PAX7: variants seen among roughly 807,000 people sequenced by gnomAD.
The protein encoded by PAX7 is paired box 7, also known as paired box protein Pax-7.
Under a neutral mutation model 50.7 loss-of-function variants are expected in PAX7, and 18 were observed. The observed-to-expected ratio is 0.36, with a 90% CI of 0.25 to 0.53. The LOEUF is 0.53. PAX7 is among the 20% of genes least tolerant of loss of function. PAX7 has a pLI of 0.93. For missense variants in PAX7, 644 were observed against 702.9 expected, an observed-to-expected ratio of 0.92 and a Z score of 0.95; for synonymous variants, 310 against 290.4, an observed-to-expected ratio of 1.07 and a Z score of -0.69.
chr1:18,656,119 G>A (rs937701893), intron 4 of PAX7, among the ~76,000 whole-genome samples: 5 of 152,160 alleles, frequency 3.3e-5, no homozygotes, highest in Admixed American at 6.5e-5. Context: ...CATCTAATGC[G>A]CTTATAACAA....
At chr1:18,648,024 G>A (rs902312449) in intron 4 of PAX7, among the ~76,000 whole-genome samples, 3 of 152,226 alleles carry the variant, frequency 2.0e-5, no homozygotes, top group African/African-American at 7.2e-5. Flanking sequence ...TGTGTGTGGA[G>A]GGACTTCCCT....
At chr1:18,645,129 TGA>T (rs1481826227) in intron 4 of PAX7, among the ~76,000 whole-genome samples, 2 of 152,164 alleles carry the variant, frequency 1.3e-5, no homozygotes, top group Admixed American at 6.5e-5. Flanking sequence ...GAATGGTGTG[TGA>T]GTGTGTGTGC....
intron 4 of PAX7, among the ~76,000 whole-genome samples, chr1:18,641,006 G>T (rs145088670): frequency 6.6e-6 from 1 of 152,248 alleles, no homozygotes; most frequent in East Asian, 1.9e-4. Context: ...AGAAGAGAGA[G>T]GGGGAGGCGG....
At chr1:18,644,467 C>A (rs917234406) in intron 4 of PAX7, among the ~76,000 whole-genome samples, 1 of 151,814 alleles carries the variant, frequency 6.6e-6, no homozygotes, top group African/African-American at 2.4e-5. Context: ...AGGCTAAAAC[C>A]GAAAAAATAA....
At chr1:18,670,728 T>C (rs1349608190) in intron 4 of PAX7, among the ~76,000 whole-genome samples, 1 of 152,198 alleles carries the variant, frequency 6.6e-6, no homozygotes, top group Non-Finnish European at 1.5e-5. Flanking sequence ...CGGCAGGGGC[T>C]GCAGGCCATG....
chr1:18,697,058 T>TA (rs981043747), intron 5 of PAX7, among the ~76,000 whole-genome samples: 73 of 151,732 alleles, frequency 4.8e-4, no homozygotes, highest in African/African-American at 1.7e-3. Context: ...AACTAAAACT[T>TA]AAAAAAAAGA....
At chr1:18,638,573 T>C (rs922470154) in intron 4 of PAX7, among the ~76,000 whole-genome samples, 14 of 152,220 alleles carry the variant, frequency 9.2e-5, no homozygotes, top group African/African-American at 3.1e-4. Context: ...GGTGCGCTGA[T>C]TGTGCTTTGA....
At chr1:18,727,175 C>T (rs964708161) in intron 7 of PAX7, among the ~76,000 whole-genome samples, 2 of 152,098 alleles carry the variant, frequency 1.3e-5, no homozygotes, top group Non-Finnish European at 2.9e-5. Flanking sequence ...ATACAATACT[C>T]CCATGCACAT....
rs879342734 is a variant in PAX7, at chr1:18,632,274, T to C, written c.85+586T>C. On this transcript the variant is annotated intron_variant, in intron 1 of 8. Coordinates refer to ENST00000420770, the MANE Select transcript of PAX7 (RefSeq NM_001135254.2). This position sits in a 1 kb window ranked among gnomAD's most constrained non-coding sequence, Gnocchi z 6.3. ...TTAGTAATGATTTTCCCCCTAAAACTTTTTACTCGGGCTTCCGCACTCTGG... is the reference window on the plus strand; with the variant it reads ...TTAGTAATGATTTTCCCCCTAAAACCTTTTACTCGGGCTTCCGCACTCTGG... Among the ~76,000 whole-genome samples, 18 of 152,172 alleles carry C rather than the reference T, an allele frequency of 1.2e-4. No individual in the cohort carries two copies. Among genetic ancestry groups the C allele is most frequent in the Non-Finnish European group, 2.2e-4 (15 of 68,032 alleles).
intron 4 of PAX7, among the ~76,000 whole-genome samples, chr1:18,637,220 G>A (rs2088175568): frequency 6.6e-6 from 1 of 152,150 alleles, no homozygotes; most frequent in African/African-American, 2.4e-5. Flanking sequence ...CTTGACGGGA[G>A]GAAGTTTCGA....
chr1:18,706,429 A>T (rs2100334840), intron 7 of PAX7, among the ~76,000 whole-genome samples: 1 of 149,818 alleles, frequency 6.7e-6, no homozygotes, highest in South Asian at 2.1e-4. Context: ...AACTGGAAGG[A>T]ATTTTTTTCT....
intron 4 of PAX7, among the ~76,000 whole-genome samples, chr1:18,647,372 T>C (rs2088362322): frequency 6.6e-6 from 1 of 152,026 alleles, no homozygotes; most frequent in East Asian, 1.9e-4. Context: ...AGTCCTCCTC[T>C]GTGACCCCAG....
At chr1:18,686,314 A>T (rs1255405867) in intron 4 of PAX7, among the ~76,000 whole-genome samples, 2 of 152,212 alleles carry the variant, frequency 1.3e-5, no homozygotes, top group Non-Finnish European at 2.9e-5. Context: ...AGGAACTCAG[A>T]GAAAGCATCT....
intron 4 of PAX7, among the ~76,000 whole-genome samples, chr1:18,659,307 G>T (rs560088863): frequency 6.6e-6 from 1 of 152,304 alleles, no homozygotes; most frequent in South Asian, 2.1e-4. Context: ...CCTAACTTGA[G>T]AACTTCTCTG....
chr1:18,743,101 A>G (rs562194801), intron 8 of PAX7, among the ~76,000 whole-genome samples: 2 of 152,244 alleles, frequency 1.3e-5, no homozygotes, highest in African/African-American at 4.8e-5. Context: ...GCTGCTTCCA[A>G]ACCAACATCT....
chr1:18,725,308 C>G (rs909598072), intron 7 of PAX7, among the ~76,000 whole-genome samples: 4 of 55,450 alleles, frequency 7.2e-5, no homozygotes, highest in Non-Finnish European at 1.4e-4. Flanking sequence ...AGACGCCCCC[C>G]CCCCGCCCCA....
intron 4 of PAX7, among the ~76,000 whole-genome samples, chr1:18,644,338 A>T (rs1006135263): frequency 6.6e-6 from 1 of 152,196 alleles, no homozygotes; most frequent in Non-Finnish European, 1.5e-5. Context: ...CTCACTAGCG[A>T]TATCACTCTA....
At chr1:18,741,640 A>C (rs1408930361) in intron 8 of PAX7, among the ~76,000 whole-genome samples, 1 of 152,228 alleles carries the variant, frequency 6.6e-6, no homozygotes, top group Non-Finnish European at 1.5e-5. Flanking sequence ...GCCCATCCAC[A>C]GGAATAGCTG....
chr1:18,745,571 C>T lies in PAX7; in HGVS notation c.*642C>T. Reference sequence around the variant, plus strand: ...CCTCCCCAGACACCTCTACTGGGTGCATGGGGAAATCTAGCACAGGCAGGG... The same window carrying T: ...CCTCCCCAGACACCTCTACTGGGTGTATGGGGAAATCTAGCACAGGCAGGG... On this transcript the variant is annotated 3_prime_UTR_variant, in exon 9 of 9. Coordinates refer to ENST00000420770, the MANE Select transcript of PAX7 (RefSeq NM_001135254.2). 1 of 230,924 alleles carries T rather than the reference C, an allele frequency of 4.3e-6. No individual in the cohort carries two copies. The highest frequency in any genetic ancestry group is 8.6e-6 in the Non-Finnish European group (1 of 116,692). 14.3% of individuals were successfully genotyped at this position (230,924 alleles called of 1,614,324 possible). A position where few individuals can be genotyped will look rare whatever the true frequency, so the allele number is the denominator to read the frequency against.
Sources: allele counts gnomAD v4.1 joint callset (sites outside exome capture counted in the v4.1 genomes callset), GRCh38; gene constraint gnomAD v4.1.1; non-coding constraint Gnocchi (gnomAD v3.1); transcripts MANE v1.5; gene names NCBI Gene and HGNC (gene_info 2026-07-23, HGNC 2026-07-21).